PTPRN2: variants seen among roughly 807,000 people sequenced by gnomAD.
PTPRN2 encodes the protein protein tyrosine phosphatase receptor type N2, also known as receptor-type tyrosine-protein phosphatase N2.
Under a neutral mutation model 118.8 loss-of-function variants are expected in PTPRN2, and 74 were observed. That is an observed-to-expected ratio of 0.62 (90% CI 0.52 to 0.76). The LOEUF (loss-of-function observed/expected upper bound fraction) is 0.76, where lower values mean the gene tolerates loss of function less well. PTPRN2 is among the 30% of genes least tolerant of loss of function. The probability of loss-of-function intolerance (pLI) is 0.00; values close to 1 mark genes in which losing one functional copy is unlikely to be tolerated. For missense variants in PTPRN2, 1,481 were observed against 1,394.4 expected (o/e 1.06, Z -0.99); for synonymous variants, 641 against 608.0 (o/e 1.05, Z -0.80).
chr7:158,010,547 A>AAC (rs1392416416), intron 11 of PTPRN2, among the ~76,000 whole-genome samples: 1 of 152,246 alleles, frequency 6.6e-6, no homozygotes, highest in Non-Finnish European at 1.5e-5. Flanking sequence ...CATTTAGGCT[A>AAC]ACAGGCAATG....
chr7:158,276,073 G>A (rs1798941926), intron 3 of PTPRN2, among the ~76,000 whole-genome samples: 1 of 152,158 alleles, frequency 6.6e-6, no homozygotes, highest in African/African-American at 2.4e-5. Context: ...GAGCCCACCG[G>A]TCAGCCAGCT....
intron 11 of PTPRN2, among the ~76,000 whole-genome samples, chr7:157,940,759 C>T (rs1374577233): frequency 1.1e-5 from 1 of 93,976 alleles, no homozygotes; most frequent in Non-Finnish European, 1.9e-5. Context: ...AAATCTGACA[C>T]CCTCCCCACC....
At chr7:158,327,371 ACAC>A (rs375177396) in intron 2 of PTPRN2, among the ~76,000 whole-genome samples, 2,839 of 130,964 alleles carry the variant, frequency 0.022, 93 homozygotes, top group African/African-American at 0.068. Context: ...ATTGTCACAC[ACAC>A]ATTATCACAT....
intron 3 of PTPRN2, among the ~76,000 whole-genome samples, chr7:158,242,090 G>A (rs1039231542): frequency 2.0e-5 from 3 of 152,146 alleles, no homozygotes; most frequent in African/African-American, 4.8e-5. Context: ...TCACCCACCC[G>A]GTAGAGCCAT....
chr7:157,657,056 A>G (rs1384687029), intron 13 of PTPRN2, among the ~76,000 whole-genome samples: 12 of 138,224 alleles, frequency 8.7e-5, no homozygotes, highest in Non-Finnish European at 1.5e-4. Context: ...CACATACACC[A>G]CACACACCAC....
intron 12 of PTPRN2, among the ~76,000 whole-genome samples, chr7:157,734,908 G>C (rs1402950156): frequency 6.6e-6 from 1 of 152,236 alleles, no homozygotes; most frequent in African/African-American, 2.4e-5. Flanking sequence ...GTCGACGTGG[G>C]AGGCAAGTTG....
rs200267173 is a variant in PTPRN2 at position 158,092,269 on chromosome 7, CAT to C, written c.1644-10894_1644-10893del. Among the ~76,000 whole-genome samples the C allele has an allele frequency of 8.2e-3, 1,094 of 134,046 alleles. 19 individuals are homozygous for C. Among genetic ancestry groups the C allele is most frequent in the African/African-American group, 0.029 (1,003 of 34,598 alleles). The allele number at this position is 134,046 out of a possible 152,430, so 87.9% of individuals were successfully genotyped here. A position where few individuals can be genotyped will look rare whatever the true frequency, so the allele number is the denominator to read the frequency against. On this transcript the variant is annotated intron_variant, in intron 10 of 22. Coordinates refer to ENST00000389418, the MANE Select transcript of PTPRN2 (RefSeq NM_002847.5). ...ACATATATACATGTGCATATATATA[CAT>C]ATATGTGTGTGTGTATATATATGTA...
intron 11 of PTPRN2, among the ~76,000 whole-genome samples, chr7:158,064,173 G>C (rs1202795883): frequency 1.3e-5 from 2 of 152,226 alleles, no homozygotes; most frequent in Non-Finnish European, 2.9e-5. Flanking sequence ...AGAGAAACCT[G>C]GGGTGAATTC....
chr7:157,628,109 G>A (rs1287792221), intron 14 of PTPRN2, among the ~76,000 whole-genome samples: 5 of 152,166 alleles, frequency 3.3e-5, no homozygotes, highest in Admixed American at 1.3e-4. Context: ...GCTGCTAGAC[G>A]GGTTTTGGAG....
intron 10 of PTPRN2, among the ~76,000 whole-genome samples, chr7:158,094,293 C>T (rs1414089725): frequency 1.3e-5 from 2 of 152,008 alleles, no homozygotes; most frequent in African/African-American, 4.8e-5. Flanking sequence ...GCCACCCCAT[C>T]TGTGTTTTTT....
chr7:157,605,172 G>A (rs1022358146), intron 15 of PTPRN2, among the ~76,000 whole-genome samples: 1 of 152,258 alleles, frequency 6.6e-6, no homozygotes, highest in Non-Finnish European at 1.5e-5. Context: ...GGAGTGGCGA[G>A]GGGTGTGTGA....
chr7:157,767,233 C>T (rs953541671), intron 12 of PTPRN2, among the ~76,000 whole-genome samples: 17 of 152,206 alleles, frequency 1.1e-4, no homozygotes, highest in African/African-American at 4.1e-4. Flanking sequence ...CGTCCATCAT[C>T]CATCTGTGGC....
chr7:157,766,297 C>A (rs1211898349), intron 12 of PTPRN2, among the ~76,000 whole-genome samples: 1 of 151,404 alleles, frequency 6.6e-6, no homozygotes, highest in African/African-American at 2.4e-5. Context: ...CATCCATCAT[C>A]CATTCTTCTT....
intron 2 of PTPRN2, among the ~76,000 whole-genome samples, chr7:158,319,343 G>A (rs1319414759): frequency 6.6e-6 from 1 of 151,926 alleles, no homozygotes. Flanking sequence ...AACTTGAGTG[G>A]AAAGTAGGGA....
rs189152546 is a variant in PTPRN2, at chr7:157,876,861, G to A, written c.1788+21812C>T. On this transcript the variant is annotated intron_variant, in intron 12 of 22. Coordinates refer to ENST00000389418, the MANE Select transcript of PTPRN2 (RefSeq NM_002847.5). ...GGGGGCATGCCGGGGGAGCCTCTGG[G>A]AGCCGCAGGAGGCACTAGGGACACG... 4.6e-4 allele frequency among the ~76,000 whole-genome samples: 70 copies of A among 152,332 alleles called. 1 individual carries two copies. The East Asian group carries it at 0.011, about 24-fold the overall frequency.
intron 12 of PTPRN2, among the ~76,000 whole-genome samples, chr7:157,746,182 G>T (rs1185857817): frequency 4.5e-5 from 6 of 133,148 alleles, no homozygotes; most frequent in African/African-American, 1.8e-4. Context: ...TGAAGATCAC[G>T]GGCCTCCCCT....
At position 158,525,357 on chromosome 7, in the gene PTPRN2, C is replaced by T. The variant is rs987281673; in HGVS notation, c.113-35572G>A. Among the ~76,000 whole-genome samples the T allele has an allele frequency of 7.9e-5, 12 of 152,340 alleles. No individual in the cohort carries two copies. The highest frequency in any genetic ancestry group is 1.9e-4 in the African/African-American group (8 of 41,582). ...GCAGAAGCTGCAGCAGAAGGTAGCA[C>T]GGGCAGGATGCTAGGCCCCAGGGGC... On this transcript the variant is annotated intron_variant, in intron 1 of 22. Coordinates refer to ENST00000389418, the MANE Select transcript of PTPRN2 (RefSeq NM_002847.5). The surrounding 1 kb of genome is among the most constrained non-coding windows in gnomAD (Gnocchi z 4.1).
At chr7:158,345,239 C>T (rs1343096498) in intron 2 of PTPRN2, among the ~76,000 whole-genome samples, 6 of 152,158 alleles carry the variant, frequency 3.9e-5, no homozygotes, top group South Asian at 2.1e-4. Context: ...AGTGACTAGA[C>T]GTTAACAAGG....
intron 1 of PTPRN2, among the ~76,000 whole-genome samples, chr7:158,573,981 G>A (rs1042080377): frequency 1.3e-5 from 2 of 152,184 alleles, no homozygotes; most frequent in Non-Finnish European, 2.9e-5. Flanking sequence ...GAAAGGAATC[G>A]TGGATTGTTA....
Sources: gnomAD v4.1 joint callset for allele counts (sites outside exome capture counted in the v4.1 genomes callset) on GRCh38, gnomAD v4.1.1 for gene constraint, Gnocchi (gnomAD v3.1) non-coding constraint, MANE v1.5 for transcripts, NCBI Gene and HGNC (gene_info 2026-07-23, HGNC 2026-07-21) for gene names.